Variants in TRHDE observed in about 807,000 individuals in gnomAD.
TRHDE encodes thyrotropin releasing hormone degrading enzyme.
A neutral mutation model predicts 125.7 loss-of-function variants in TRHDE; 72 were observed. The ratio of observed to expected loss-of-function variants is 0.57; its 90% CI spans 0.47 to 0.70. The LOEUF (loss-of-function observed/expected upper bound fraction) is 0.70. TRHDE is among the 30% of genes least tolerant of loss of function. The pLI is 0.00. For synonymous variants in TRHDE, 509 were observed against 509.1 expected (o/e 1.00, Z 0.00); for missense variants, 1,110 against 1,327.1 (o/e 0.84, Z 2.54).
chr12:72,218,083 G>A (rs570218563), intron 2 of TRHDE, among the ~76,000 whole-genome samples: 237 of 152,064 alleles, frequency 1.6e-3, no homozygotes, highest in African/African-American at 5.5e-3. Flanking sequence ...GAACAGATGT[G>A]TAATAAAACA....
intron 1 of TRHDE, among the ~76,000 whole-genome samples, chr12:72,103,049 T>C (rs966535669): frequency 3.9e-5 from 6 of 152,240 alleles, no homozygotes; most frequent in Non-Finnish European, 7.3e-5. Context: ...CTTCTTTTTC[T>C]ACTCAATCCT....
At chr12:72,090,992 C>A (rs1874777377) in intron 1 of TRHDE, among the ~76,000 whole-genome samples, 1 of 152,016 alleles carries the variant, frequency 6.6e-6, no homozygotes, top group African/African-American at 2.4e-5. Context: ...TGTCCAGCCT[C>A]CTGAGTAGCT....
At chr12:72,435,099 A>G (rs1046196151) in intron 3 of TRHDE, among the ~76,000 whole-genome samples, 2 of 152,288 alleles carry the variant, frequency 1.3e-5, no homozygotes, top group East Asian at 1.9e-4. Flanking sequence ...TATGTTTGTC[A>G]TTGTTGTCAG....
intron 15 of TRHDE, among the ~76,000 whole-genome samples, chr12:72,635,680 TA>T (rs1285492484): frequency 6.7e-6 from 1 of 150,364 alleles, no homozygotes; most frequent in Non-Finnish European, 1.5e-5. Flanking sequence ...GATTTTTGTA[TA>T]AGGTGTAAGG....
intron 2 of TRHDE, among the ~76,000 whole-genome samples, chr12:72,142,563 G>A (rs1034190060): frequency 6.6e-6 from 1 of 152,050 alleles, no homozygotes; most frequent in Non-Finnish European, 1.5e-5. Flanking sequence ...CCCTGCAAAG[G>A]TCTCACCCTC....
chr12:72,241,308 C>G lies in TRHDE; in HGVS notation n.279+135556C>G, dbSNP rs138514679. On this transcript the variant is annotated intron_variant and non_coding_transcript_variant, in intron 2 of 4. Coordinates refer to the TRHDE transcript ENST00000548156. ...TGTGCTATCCCTTTGTAGTCACATACTCCCCTTTATCCCTAACTCCTGGGG... is the reference window on the plus strand; with the variant it reads ...TGTGCTATCCCTTTGTAGTCACATAGTCCCCTTTATCCCTAACTCCTGGGG... Among the ~76,000 whole-genome samples the G allele has an allele frequency of 1.4e-3, 214 of 152,282 alleles. 1 individual carries two copies. In the Middle Eastern group the frequency reaches 0.02, roughly 15 times the overall value.
At chr12:72,308,748 T>A (rs1441090842) in intron 2 of TRHDE, among the ~76,000 whole-genome samples, 1 of 152,232 alleles carries the variant, frequency 6.6e-6, no homozygotes, top group African/African-American at 2.4e-5. Flanking sequence ...AAAACTGTTA[T>A]GCTACCTAAA....
Position 72,562,995 on chromosome 12 carries a change from A to G in TRHDE, c.1997A>G (p.Tyr666Cys), listed in dbSNP as rs1870255997. The change falls in exon 9 of 19, where the codon TAT becomes TGT. Residue 666 changes from tyrosine (Y) to cysteine (C), a missense_variant. Physicochemically the swap from Tyr to Cys is radical, Grantham distance 194 (BLOSUM62 -2). Around this residue, in one of 5 missense-constraint regions of TRHDE, gnomAD observed 527 missense variants for 651.8 expected, o/e 0.81. Transcript: ENST00000261180. ...ATAATTACCCAACAGCATTTTATCT[A>G]TGATATCAGTGCTAAAACTAAAGCA... ...RIIITQQHFIYDISAKTKALK... is the reference protein window; with the variant it reads ...RIIITQQHFICDISAKTKALK... 1 of 1,608,694 alleles carries G rather than the reference A, an allele frequency of 6.2e-7. No individual in the cohort carries two copies. The highest frequency in any genetic ancestry group is 8.5e-7 in the Non-Finnish European group (1 of 1,177,712).
intron 6 of TRHDE, among the ~76,000 whole-genome samples, chr12:72,505,104 A>G (rs1331280397): frequency 6.6e-6 from 1 of 152,182 alleles, no homozygotes; most frequent in Non-Finnish European, 1.5e-5. Flanking sequence ...CCAGCTACTA[A>G]TTTGGGATTG....
chr12:72,593,748 A>T (rs10784976), intron 12 of TRHDE, among the ~76,000 whole-genome samples: 3 of 151,782 alleles, frequency 2.0e-5, no homozygotes, highest in Admixed American at 1.3e-4. Flanking sequence ...TCCCACCTAT[A>T]AGTGAGAACA....
intron 2 of TRHDE, among the ~76,000 whole-genome samples, chr12:72,205,973 T>A (rs1877656305): frequency 6.6e-6 from 1 of 151,934 alleles, no homozygotes; most frequent in African/African-American, 2.4e-5. Flanking sequence ...CCACGAATAC[T>A]GCACAAGGGT....
At chr12:72,378,185 G>C in intron 3 of TRHDE, 64 bp downstream of exon 3, 1 of 1,428,914 alleles carries the variant, frequency 7.0e-7, no homozygotes, top group Non-Finnish European at 9.3e-7. Flanking sequence ...TTCTTCATGT[G>C]TTTATTTGAG....
chr12:72,627,847 A>AT (rs71071845), intron 15 of TRHDE, among the ~76,000 whole-genome samples: 21,048 of 143,716 alleles, frequency 0.15, 1,999 homozygotes, highest in East Asian at 0.54. Flanking sequence ...CACCTGGCTA[A>AT]TTTTTTTTTT....
At chr12:72,611,073 G>C in intron 12 of TRHDE, 1 of 167,790 alleles carries the variant, frequency 6.0e-6, no homozygotes, top group Non-Finnish European at 1.3e-5. Flanking sequence ...ATTTTAAAAG[G>C]AGCAGCTGGC....
chr12:72,454,233 T>C (rs530927263), intron 3 of TRHDE, among the ~76,000 whole-genome samples: 1 of 152,342 alleles, frequency 6.6e-6, no homozygotes, highest in Non-Finnish European at 1.5e-5. Flanking sequence ...TTTTACCTTA[T>C]AATGAAAATG....
At chr12:72,281,100 A>G (rs1186523420) in intron 1 of TRHDE, among the ~76,000 whole-genome samples, 3 of 152,182 alleles carry the variant, frequency 2.0e-5, no homozygotes, top group African/African-American at 7.2e-5. Context: ...CTGTTTTTAT[A>G]ACACGATTAT....
In TRHDE at chr12:72,653,034, G is replaced by A. The variant is rs1874568380; in HGVS notation, c.2862G>A (p.Leu954=). The change falls in exon 17 of 19, where the codon CTG becomes CTA. Residue 954 remains leucine (L), a synonymous_variant. Transcript: ENST00000261180. ...NLLNRLLNLS[L]NSEVVLDQDA... Reference sequence around the variant, plus strand: ...TTTGAAGGCTTCTAAATCTGTCACTGAATTCTGAGGTGGTGCTGGATCAAG... The same window carrying A: ...TTTGAAGGCTTCTAAATCTGTCACTAAATTCTGAGGTGGTGCTGGATCAAG... The A allele has an allele frequency of 6.2e-7, 1 of 1,604,488 alleles. No individual in the cohort carries two copies. Among genetic ancestry groups the A allele is most frequent in the Non-Finnish European group, 8.5e-7 (1 of 1,175,034 alleles).
At chr12:72,453,721 G>C (rs1047688705) in intron 3 of TRHDE, among the ~76,000 whole-genome samples, 21 of 152,192 alleles carry the variant, frequency 1.4e-4, no homozygotes, top group African/African-American at 5.1e-4. Context: ...TCCTGAGCCA[G>C]GCTCAGAGCC....
intron 2 of TRHDE, among the ~76,000 whole-genome samples, chr12:72,326,427 A>T (rs902434652): frequency 3.3e-5 from 5 of 152,132 alleles, no homozygotes; most frequent in African/African-American, 1.2e-4. Flanking sequence ...GAGGAATAGC[A>T]TTAGGACAAA....
Sources: allele counts gnomAD v4.1 joint callset (sites outside exome capture counted in the v4.1 genomes callset), GRCh38; gene constraint gnomAD v4.1.1; regional missense constraint gnomAD v4.1.1; transcripts MANE v1.5; gene names NCBI Gene and HGNC (gene_info 2026-07-23, HGNC 2026-07-21).